SDK1: variants seen among roughly 807,000 people sequenced by gnomAD.
SDK1 encodes the protein protein sidekick-1.
A neutral mutation model predicts 245.5 loss-of-function variants in SDK1; 157 were observed. That is an observed-to-expected ratio of 0.64 (90% confidence interval 0.56 to 0.73). The LOEUF (loss-of-function observed/expected upper bound fraction) is 0.73. SDK1 is among the 30% of genes least tolerant of loss of function. The pLI is 0.00. For synonymous variants in SDK1, 1,647 were observed against 1,278.5 expected (o/e 1.29, Z -6.15); for missense variants, 3,583 against 3,002.3 (o/e 1.19, Z -4.52).
At chr7:3,619,900 C>G (rs746903026) in intron 2 of SDK1, among the ~76,000 whole-genome samples, 2 of 152,180 alleles carry the variant, frequency 1.3e-5, no homozygotes, top group Non-Finnish European at 2.9e-5. Context: ...GAGGCAGTAG[C>G]ACAGCCTTTG....
intron 4 of SDK1, among the ~76,000 whole-genome samples, chr7:3,647,303 A>G (rs751759349): frequency 1.3e-5 from 2 of 152,074 alleles, no homozygotes; most frequent in Non-Finnish European, 2.9e-5. Flanking sequence ...TTTTTCCAAA[A>G]CAAAAAATAA....
At chr7:3,910,204 T>C (rs975836086) in intron 5 of SDK1, among the ~76,000 whole-genome samples, 9 of 152,202 alleles carry the variant, frequency 5.9e-5, no homozygotes, top group African/African-American at 2.2e-4. Context: ...CTCTCTGTAG[T>C]GCACAGAGCC....
intron 17 of SDK1, among the ~76,000 whole-genome samples, chr7:4,033,464 C>T (rs1013229101): frequency 2.6e-5 from 4 of 152,060 alleles, no homozygotes; most frequent in Non-Finnish European, 5.9e-5. Context: ...GATGAACTGA[C>T]TATTTAGAAG....
At chr7:3,409,299 T>C (rs1373460336) in intron 1 of SDK1, among the ~76,000 whole-genome samples, 1 of 9,138 alleles carries the variant, frequency 1.1e-4, no homozygotes, top group Non-Finnish European at 1.9e-4. Flanking sequence ...CTATTATGGT[T>C]TTTTTTTTTT....
chr7:4,143,688 G>A (rs1241260597), intron 28 of SDK1, among the ~76,000 whole-genome samples: 6 of 152,306 alleles, frequency 3.9e-5, no homozygotes, highest in East Asian at 3.9e-4. Context: ...TCCGAGCAAC[G>A]GGGACCTGGC....
intron 13 of SDK1, among the ~76,000 whole-genome samples, chr7:3,979,739 TG>T (rs1216708849): frequency 6.6e-6 from 1 of 152,212 alleles, no homozygotes; most frequent in Non-Finnish European, 1.5e-5. Context: ...TCTAGTGCCA[TG>T]GGGACAGGAG....
chr7:4,066,383 C>G (rs996830757), intron 19 of SDK1, among the ~76,000 whole-genome samples: 1 of 152,324 alleles, frequency 6.6e-6, no homozygotes, highest in Non-Finnish European at 1.5e-5. Flanking sequence ...GCACAGGTGC[C>G]TGTGGTGCCT....
intron 4 of SDK1, among the ~76,000 whole-genome samples, chr7:3,673,264 C>G (rs1265218883): frequency 1.3e-5 from 2 of 152,166 alleles, no homozygotes; most frequent in East Asian, 1.9e-4. Context: ...ATTGCAGGAA[C>G]AAATCCCATG....
intron 1 of SDK1, among the ~76,000 whole-genome samples, chr7:3,433,791 C>T (rs947821142): frequency 1.3e-5 from 2 of 151,254 alleles, no homozygotes; most frequent in South Asian, 4.1e-4. Context: ...ACGTTCTCAT[C>T]TTGAACATGG....
At chr7:3,462,890 C>T (rs1157512822) in intron 1 of SDK1, among the ~76,000 whole-genome samples, 3 of 152,126 alleles carry the variant, frequency 2.0e-5, no homozygotes, top group African/African-American at 7.2e-5. Context: ...TATCATGTTA[C>T]CCCCACCAGG....
chr7:4,056,629 C>T (rs1037835069), intron 19 of SDK1, among the ~76,000 whole-genome samples: 1 of 152,128 alleles, frequency 6.6e-6, no homozygotes, highest in Non-Finnish European at 1.5e-5. Flanking sequence ...ATCCGAGCCA[C>T]AGGAAAGCCC....
At chr7:3,894,630 A>G (rs1209446927) in intron 5 of SDK1, among the ~76,000 whole-genome samples, 2 of 152,122 alleles carry the variant, frequency 1.3e-5, no homozygotes, top group African/African-American at 4.8e-5. Flanking sequence ...TCAGATCCAC[A>G]GAAGATACAT....
In SDK1 at chr7:3,972,877, C is replaced by G. The variant is rs551634288; in HGVS notation, c.1817+1309C>G. ...CGTGGGTGCCGAATGCAAAACAAAA[C>G]AAGCAAAACAAAAACCAGCAAGTGA... On this transcript the variant is annotated intron_variant, in intron 12 of 44. Transcript: ENST00000404826. Among the ~76,000 whole-genome samples, 8 of 152,298 alleles carry G rather than the reference C, an allele frequency of 5.3e-5. No homozygotes were observed. In the East Asian group the frequency reaches 7.7e-4, roughly 15 times the overall value.
intron 1 of SDK1, among the ~76,000 whole-genome samples, chr7:3,583,694 T>TC (rs1184974331): frequency 1.3e-5 from 2 of 148,834 alleles, no homozygotes; most frequent in Admixed American, 1.3e-4. Context: ...GAGGCAGGAG[T>TC]CCCAGGTGCC....
At chr7:3,463,073 C>A (rs1780882827) in intron 1 of SDK1, among the ~76,000 whole-genome samples, 1 of 152,118 alleles carries the variant, frequency 6.6e-6, no homozygotes, top group Non-Finnish European at 1.5e-5. Flanking sequence ...GCACTTGTTT[C>A]TTGCCCTTCC....
rs1220828297 is a variant in SDK1 at position 3,962,668 on chromosome 7, C to T, written c.1246C>T (p.Pro416Ser). ...IGCQAMGVPL[P>S]TLQWYKDAIS... ...CCATTCCTACGCAGGGGTCCCCCTTCCCACCCTCCAGTGGTACAAGGATGC... is the reference window on the plus strand; with the variant it reads ...CCATTCCTACGCAGGGGTCCCCCTTTCCACCCTCCAGTGGTACAAGGATGC... The change falls in exon 9 of 45, where the codon CCC becomes TCC. Residue 416 changes from proline (P) to serine (S), a missense_variant. Transcript: ENST00000404826. 8 of 1,608,728 alleles carry T rather than the reference C, an allele frequency of 5.0e-6. No individual in the cohort carries two copies. The highest frequency in any genetic ancestry group is 1.3e-5 in the African/African-American group (1 of 74,830).
chr7:4,054,386 C>T (rs1484607093), intron 19 of SDK1, among the ~76,000 whole-genome samples: 1 of 152,196 alleles, frequency 6.6e-6, no homozygotes, highest in Non-Finnish European at 1.5e-5. Context: ...GATATTGACA[C>T]TGATGATACA....
intron 27 of SDK1, among the ~76,000 whole-genome samples, chr7:4,131,648 G>A (rs914341443): frequency 9.2e-5 from 14 of 152,122 alleles, no homozygotes; most frequent in Admixed American, 2.6e-4. Context: ...TTGCCTGTTC[G>A]TTTAAGTAAA....
intron 1 of SDK1, among the ~76,000 whole-genome samples, chr7:3,581,261 A>G (rs1477805131): frequency 6.6e-6 from 1 of 152,206 alleles, no homozygotes; most frequent in Non-Finnish European, 1.5e-5. Flanking sequence ...TTTACAAAAA[A>G]AACCTATTAA....
Sources: gnomAD v4.1 joint callset for allele counts (sites outside exome capture counted in the v4.1 genomes callset) on GRCh38, gnomAD v4.1.1 for gene constraint, MANE v1.5 for transcripts, NCBI Gene and HGNC (gene_info 2026-07-23, HGNC 2026-07-21) for gene names.